Variants in ZFR observed in about 807,000 individuals in gnomAD.
The protein encoded by ZFR is zinc finger RNA binding protein, also known as zinc finger RNA-binding protein.
ZFR carries 19 observed loss-of-function variants against 130.7 expected under a neutral mutation model. The observed-to-expected ratio is 0.15, with a 90% CI of 0.10 to 0.21. ZFR has a LOEUF of 0.21. Among genes scored for constraint, ZFR ranks in the 10% least tolerant of loss-of-function variants. The probability of loss-of-function intolerance (pLI) is 1.00; values close to 1 mark genes in which losing one functional copy is unlikely to be tolerated. For synonymous variants in ZFR, 466 were observed against 456.9 expected, an observed-to-expected ratio of 1.02 and a Z score of -0.25; for missense variants, 872 against 1,321.5, an observed-to-expected ratio of 0.66 and a Z score of 5.27.
intron 2 of ZFR, among the ~76,000 whole-genome samples, chr5:32,427,765 C>T (rs561121492): frequency 6.6e-6 from 1 of 152,124 alleles, no homozygotes; most frequent in Non-Finnish European, 1.5e-5. Flanking sequence ...ATAGTGCTGG[C>T]ATACAGACAT....
intron 11 of ZFR, chr5:32,394,485 A>G (rs1753252182): frequency 6.0e-6 from 1 of 166,896 alleles, no homozygotes. Context: ...GACTCCATTT[A>G]TATGAAATCT....
chr5:32,420,190 T>A (rs939941908), intron 2 of ZFR, 87 bp from the exon 3 acceptor site: 7 of 1,331,026 alleles, frequency 5.3e-6, no homozygotes, highest in African/African-American at 1.5e-5. Context: ...TCAACTGAAA[T>A]AAAAAGCACA....
chr5:32,389,730 G>A (rs375316884), intron 12 of ZFR, among the ~76,000 whole-genome samples: 1 of 152,190 alleles, frequency 6.6e-6, no homozygotes, highest in Non-Finnish European at 1.5e-5. Flanking sequence ...AAAAAGCTCC[G>A]TTCCCGTTTA....
chr5:32,422,737 C>T (rs10461701), intron 2 of ZFR, among the ~76,000 whole-genome samples: 1 of 127,672 alleles, frequency 7.8e-6, no homozygotes, highest in Non-Finnish European at 1.6e-5. Flanking sequence ...GAGGTTGAGG[C>T]TACGGTGAAC....
intron 17 of ZFR, chr5:32,364,999 A>T (rs1441424906): frequency 6.6e-6 from 1 of 152,106 alleles, no homozygotes; most frequent in African/African-American, 2.4e-5. Flanking sequence ...GTCATTCTCC[A>T]TTCTCCCTTT....
intron 2 of ZFR, among the ~76,000 whole-genome samples, chr5:32,433,809 G>C (rs1325563691): frequency 6.6e-6 from 1 of 152,152 alleles, no homozygotes; most frequent in Non-Finnish European, 1.5e-5. Context: ...CACCAGGCAC[G>C]GTGGCTCAGG....
chr5:32,359,187 C>T (rs1752376947), intron 19 of ZFR, among the ~76,000 whole-genome samples: 3 of 151,986 alleles, frequency 2.0e-5, no homozygotes, highest in South Asian at 2.1e-4. Context: ...CTCAAAAAAA[C>T]AAAAAAATAA....
intron 2 of ZFR, among the ~76,000 whole-genome samples, chr5:32,430,590 A>T (rs1300164558): frequency 6.6e-5 from 10 of 152,154 alleles, no homozygotes; most frequent in Non-Finnish European, 1.2e-4. Flanking sequence ...AACAATGTTC[A>T]GATTCAGGAG....
chr5:32,415,132 A>G lies in ZFR; in HGVS notation c.621T>C (p.Thr207=). The G allele has an allele frequency of 6.2e-7, 1 of 1,614,034 alleles. No individual in the cohort carries two copies. Among genetic ancestry groups the G allele is most frequent in the Non-Finnish European group, 8.5e-7 (1 of 1,180,000 alleles). ...GATQYTQAQQ[T]RQVTAIKPAT... Reference sequence around the variant, plus strand: ...CTGGTTTTATGGCTGTCACTTGTCGAGTTTGCTGGGCTTGAGTATACTGAG... The same window carrying G: ...CTGGTTTTATGGCTGTCACTTGTCGGGTTTGCTGGGCTTGAGTATACTGAG... The change falls in exon 5 of 20, where the codon ACT becomes ACC. Residue 207 remains threonine, a synonymous_variant. Coordinates refer to ENST00000265069, the MANE Select transcript of ZFR (RefSeq NM_016107.5).
intron 5 of ZFR, among the ~76,000 whole-genome samples, chr5:32,411,572 C>T (rs527392010): frequency 2.0e-5 from 3 of 151,080 alleles, no homozygotes; most frequent in Non-Finnish European, 4.4e-5. Flanking sequence ...GCCTGTAACC[C>T]CAGCTACTTG....
At chr5:32,415,515 T>TGTGTGTGTGC (rs1326041688) in intron 4 of ZFR, among the ~76,000 whole-genome samples, 55 of 97,986 alleles carry the variant, frequency 5.6e-4, no homozygotes, top group South Asian at 1.2e-3. Context: ...TGTGTGTGTG[T>TGTGTGTGTGC]GCGCGCGCGC....
In ZFR at chr5:32,415,153, C is replaced by G. The variant is rs753808261; in HGVS notation, c.600G>C (p.Gln200His). 3 of 1,613,982 alleles carry G rather than the reference C, an allele frequency of 1.9e-6. No homozygotes were observed. Among genetic ancestry groups the G allele is most frequent in the Non-Finnish European group, 2.5e-6 (3 of 1,179,978 alleles). Residue 200 changes from glutamine (Q) to histidine (H), a missense_variant, in exon 5 of 20, where the codon CAG (glutamine) becomes CAC (histidine). By Grantham distance (24) the Gln-to-His change is conservative. Transcript: ENST00000265069. Reference protein sequence around the residue: ...PKAGYSQGATQYTQAQQTRQV... With the variant: ...PKAGYSQGATHYTQAQQTRQV... ...GTCGAGTTTGCTGGGCTTGAGTATA[C>G]TGAGTTGCACCTTGGCTGTAACCTG... is the stretch of plus-strand genomic sequence containing the variant.
At chr5:32,362,953 C>T (rs1752468472) in intron 19 of ZFR, among the ~76,000 whole-genome samples, 1 of 152,160 alleles carries the variant, frequency 6.6e-6, no homozygotes, top group African/African-American at 2.4e-5. Flanking sequence ...AGAACAGACA[C>T]TTAAGGCAAC....
chr5:32,408,926 T>A (rs1753640263), intron 5 of ZFR, among the ~76,000 whole-genome samples: 1 of 152,364 alleles, frequency 6.6e-6, no homozygotes, highest in South Asian at 2.1e-4. Context: ...CCTGACTACT[T>A]TTCTCCTGGA....
At chr5:32,390,952 A>C (rs1012175059) in intron 11 of ZFR, among the ~76,000 whole-genome samples, 4 of 152,240 alleles carry the variant, frequency 2.6e-5, no homozygotes, top group African/African-American at 9.6e-5. Flanking sequence ...TCCTGGCTAG[A>C]GATAACAGCT....
At chr5:32,362,744 A>T (rs1752465657) in intron 19 of ZFR, among the ~76,000 whole-genome samples, 1 of 152,172 alleles carries the variant, frequency 6.6e-6, no homozygotes, top group African/African-American at 2.4e-5. Flanking sequence ...ATATTGTGTA[A>T]CTCGTTCACT....
intron 2 of ZFR, among the ~76,000 whole-genome samples, chr5:32,428,173 G>A (rs1754119198): frequency 6.6e-6 from 1 of 152,186 alleles, no homozygotes; most frequent in Non-Finnish European, 1.5e-5. Flanking sequence ...TGGCACTGTG[G>A]GAGGCCGAGG....
intron 2 of ZFR, among the ~76,000 whole-genome samples, chr5:32,422,201 T>C (rs984753871): frequency 6.6e-6 from 1 of 152,074 alleles, no homozygotes; most frequent in African/African-American, 2.4e-5. Flanking sequence ...AGGAAGCCAA[T>C]TTAACTTATA....
chr5:32,395,880 ATAAC>A (rs1753294364), intron 10 of ZFR, among the ~76,000 whole-genome samples: 1 of 152,222 alleles, frequency 6.6e-6, no homozygotes, highest in Admixed American at 6.5e-5. Context: ...TAACATAAAA[ATAAC>A]TGTTTATGTT....
Sources: allele counts gnomAD v4.1 joint callset (sites outside exome capture counted in the v4.1 genomes callset), GRCh38; gene constraint gnomAD v4.1.1; transcripts MANE v1.5; gene names NCBI Gene and HGNC (gene_info 2026-07-23, HGNC 2026-07-21).